SH2D4B: variants seen among roughly 807,000 people sequenced by gnomAD.
The protein encoded by SH2D4B is SH2 domain containing 4B, also known as SH2 domain-containing protein 4B.
SH2D4B carries 45 observed loss-of-function variants against 61.5 expected under a neutral mutation model. That is an observed-to-expected ratio of 0.73 (90% CI 0.58 to 0.94). SH2D4B has a LOEUF of 0.94. SH2D4B is among the 40% of genes least tolerant of loss of function. The pLI is 0.00. For synonymous variants in SH2D4B, 224 were observed against 220.4 expected, an observed-to-expected ratio of 1.02 and a Z score of -0.14; for missense variants, 572 against 574.2, an observed-to-expected ratio of 1.00 and a Z score of 0.04.
intron 1 of SH2D4B, among the ~76,000 whole-genome samples, chr10:80,544,077 G>A (rs987121853): frequency 2.6e-5 from 4 of 151,916 alleles, no homozygotes; most frequent in African/African-American, 9.7e-5. Flanking sequence ...CCACACTGTG[G>A]AAGCTTTGTT....
chr10:80,549,974 T>A (rs1458353046), intron 1 of SH2D4B, among the ~76,000 whole-genome samples: 1 of 151,762 alleles, frequency 6.6e-6, no homozygotes, highest in African/African-American at 2.4e-5. Context: ...TTAATTAATT[T>A]AATTAATTAA....
intron 1 of SH2D4B, among the ~76,000 whole-genome samples, chr10:80,549,202 ATTGTGTGTGTGTGTGTGTG>A (rs1478680005): frequency 2.5e-5 from 2 of 80,590 alleles, no homozygotes; most frequent in Non-Finnish European, 6.4e-5. Context: ...ATGGGACTTG[ATTGTGTGTGTGTGTGTGTG>A]TGTGTGTGTG....
At chr10:80,571,672 T>G in intron 3 of SH2D4B, 94 bp downstream of exon 3, 1 of 1,433,876 alleles carries the variant, frequency 7.0e-7, no homozygotes, top group Non-Finnish European at 9.5e-7. Flanking sequence ...CCTTGGCCAT[T>G]GGTTGGTACT....
In SH2D4B at chr10:80,600,116, GC is replaced by G. The variant is rs1358094399; in HGVS notation, c.644-3458del. Among the ~76,000 whole-genome samples the G allele has an allele frequency of 2.6e-5, 4 of 152,272 alleles. No homozygotes were observed. In the East Asian group the frequency reaches 7.7e-4, roughly 29 times the overall value. On this transcript the variant is annotated intron_variant, in intron 4 of 7. Transcript: ENST00000646907. ...TTACATCTCAGAGCAACCCAGTCAGGCCCCCACTTTATGGACAAGGAAAGAA... is the reference window on the plus strand; with the variant it reads ...TTACATCTCAGAGCAACCCAGTCAGGCCCCACTTTATGGACAAGGAAAGAA...
At chr10:80,605,357 C>T in intron 5 of SH2D4B, among the ~76,000 whole-genome samples, 1 of 151,240 alleles carries the variant, frequency 6.6e-6, no homozygotes, top group East Asian at 1.9e-4. Context: ...GTTGTCTTTT[C>T]CTTATTGAGT....
intron 1 of SH2D4B, among the ~76,000 whole-genome samples, chr10:80,560,173 G>A (rs1046354077): frequency 6.6e-6 from 1 of 151,524 alleles, no homozygotes; most frequent in African/African-American, 2.4e-5. Flanking sequence ...ATTTTTAGTA[G>A]AGACGGGGTT....
intron 1 of SH2D4B, among the ~76,000 whole-genome samples, chr10:80,545,701 T>C (rs991918969): frequency 4.6e-5 from 7 of 152,014 alleles, no homozygotes; most frequent in Non-Finnish European, 8.8e-5. Context: ...AGAGATGGGG[T>C]GTGCATGGGT....
At chr10:80,589,864 GGGGT>G (rs562072474) in intron 4 of SH2D4B, among the ~76,000 whole-genome samples, 131 of 152,310 alleles carry the variant, frequency 8.6e-4, no homozygotes, top group African/African-American at 3.0e-3. Context: ...TGGGAAGTGT[GGGGT>G]GGTGAGAGTT....
intron 1 of SH2D4B, among the ~76,000 whole-genome samples, chr10:80,543,367 CG>C (rs555197352): frequency 0.012 from 1,781 of 152,198 alleles, 30 homozygotes; most frequent in African/African-American, 0.039. Context: ...CCGGCCCCAC[CG>C]GCCCGGGGCA....
chr10:80,591,198 A>G (rs548615293), intron 4 of SH2D4B, among the ~76,000 whole-genome samples: 3 of 152,148 alleles, frequency 2.0e-5, no homozygotes, highest in South Asian at 2.1e-4. Flanking sequence ...TAATGTTGCT[A>G]TGAACATTTA....
At chr10:80,566,123 G>A (rs148744689) in intron 1 of SH2D4B, among the ~76,000 whole-genome samples, 4,993 of 132,092 alleles carry the variant, frequency 0.038, 173 homozygotes, top group Non-Finnish European at 0.041. Flanking sequence ...AAAAAAGAGT[G>A]AAGAGGGAAG....
intron 6 of SH2D4B, among the ~76,000 whole-genome samples, chr10:80,630,081 A>G (rs1842812809): frequency 6.6e-6 from 1 of 152,170 alleles, no homozygotes; most frequent in South Asian, 2.1e-4. Context: ...AGAACACGGT[A>G]CACATCTGAC....
intron 7 of SH2D4B, among the ~76,000 whole-genome samples, chr10:80,635,741 T>C (rs1842891417): frequency 6.6e-6 from 1 of 152,162 alleles, no homozygotes; most frequent in Admixed American, 6.5e-5. Flanking sequence ...ACATCCATGC[T>C]CTTATTTAAT....
At chr10:80,639,929 T>C (rs1187374181) in intron 7 of SH2D4B, among the ~76,000 whole-genome samples, 2 of 152,358 alleles carry the variant, frequency 1.3e-5, no homozygotes, top group Non-Finnish European at 2.9e-5. Flanking sequence ...TCAGTACTGG[T>C]TGTTCCTTTC....
At chr10:80,595,138 T>A (rs751855630) in intron 4 of SH2D4B, among the ~76,000 whole-genome samples, 3 of 152,248 alleles carry the variant, frequency 2.0e-5, no homozygotes, top group Non-Finnish European at 2.9e-5. Flanking sequence ...TCAGCATTGA[T>A]GTCTCAATCA....
chr10:80,612,248 C>T (rs1842611936), intron 6 of SH2D4B, among the ~76,000 whole-genome samples: 1 of 138,720 alleles, frequency 7.2e-6, no homozygotes, highest in African/African-American at 2.8e-5. Flanking sequence ...TGAGTGTGTT[C>T]CCACTTCTCT....
chr10:80,606,071 A>G (rs1441415336), intron 5 of SH2D4B, among the ~76,000 whole-genome samples: 1 of 152,048 alleles, frequency 6.6e-6, no homozygotes, highest in Non-Finnish European at 1.5e-5. Context: ...CCCTCCTACC[A>G]GCCTCTCTCC....
chr10:80,540,852 G>T, intron 1 of SH2D4B: 3 of 1,551,404 alleles, frequency 1.9e-6, no homozygotes, highest in Non-Finnish European at 2.6e-6. Context: ...GGCGGGAATT[G>T]TGCGGGGACG....
At chr10:80,564,598 G>T (rs922900766) in intron 1 of SH2D4B, among the ~76,000 whole-genome samples, 4 of 152,130 alleles carry the variant, frequency 2.6e-5, no homozygotes, top group Non-Finnish European at 4.4e-5. Flanking sequence ...TCACTCTCTA[G>T]CTGATCCCAT....
Sources: allele counts gnomAD v4.1 joint callset (sites outside exome capture counted in the v4.1 genomes callset), GRCh38; gene constraint gnomAD v4.1.1; transcripts MANE v1.5; gene names NCBI Gene and HGNC (gene_info 2026-07-23, HGNC 2026-07-21).